Variants in CEP135 observed in about 807,000 individuals in gnomAD.
CEP135 encodes centrosomal protein 135.
A neutral mutation model predicts 157.3 loss-of-function variants in CEP135; 142 were observed. That is an observed-to-expected ratio of 0.90 (90% CI 0.79 to 1.04). The LOEUF (loss-of-function observed/expected upper bound fraction) is 1.04. CEP135 is among the 50% of genes least tolerant of loss of function. The pLI is 0.00. For synonymous variants in CEP135, 396 were observed against 439.8 expected (o/e 0.90, Z 1.25); for missense variants, 1,317 against 1,309.2 (o/e 1.01, Z -0.09).
In CEP135 at chr4:56,011,405, T is replaced by A. The variant is rs1730576769; in HGVS notation, c.2506-7T>A. Reference sequence around the variant, plus strand: ...TTTTAGATTGTCTTTAATTTTCTGATTTGTAGGAAATCTCATTGGAATTGG... The same window carrying A: ...TTTTAGATTGTCTTTAATTTTCTGAATTGTAGGAAATCTCATTGGAATTGG... On this transcript the variant is annotated splice_region_variant and splice_polypyrimidine_tract_variant and intron_variant, in intron 19 of 25. Transcript: ENST00000257287. The A allele has an allele frequency of 6.4e-7, 1 of 1,574,564 alleles. No individual in the cohort carries two copies. The highest frequency in any genetic ancestry group is 8.7e-7 in the Non-Finnish European group (1 of 1,155,732).
chr4:55,950,498 C>A (rs909847591), intron 1 of CEP135, among the ~76,000 whole-genome samples: 3 of 152,014 alleles, frequency 2.0e-5, no homozygotes, highest in African/African-American at 7.3e-5. Context: ...AAGAAATGAT[C>A]TTTGGGCTGA....
intron 25 of CEP135, among the ~76,000 whole-genome samples, chr4:56,026,103 G>C (rs924669463): frequency 1.3e-4 from 20 of 152,196 alleles, no homozygotes; most frequent in African/African-American, 4.6e-4. Context: ...TAGCTACTTG[G>C]GATGCGGAGG....
rs983439679 is a variant in CEP135 at position 56,017,590 on chromosome 4, A to G, written c.2803-58A>G. 7 of 1,415,122 alleles carry G rather than the reference A, an allele frequency of 4.9e-6. No homozygotes were observed. In the South Asian group the frequency reaches 5.6e-5, roughly 11 times the overall value. The allele number at this position is 1,415,122 out of a possible 1,614,324, so 87.7% of individuals were successfully genotyped here. On this transcript the variant is annotated intron_variant, in intron 21 of 25. Coordinates refer to ENST00000257287, the MANE Select transcript of CEP135 (RefSeq NM_025009.5). ...TGAGATTGTTGGCTGTACAAATTCA[A>G]GTTCTTAAAATTATTGGGTTATTTT...
chr4:56,011,500 G>C lies in CEP135; in HGVS notation c.2594G>C (p.Trp865Ser). Residue 865 changes from tryptophan (W) to serine (S), a missense_variant, in exon 20 of 26, where the codon TGG (tryptophan) becomes TCG (serine). Transcript: ENST00000257287. ...VHKYITEVSR[W>S]ESLMAAKEKE... ...AAATACATAACAGAGGTGTCACGAT[G>C]GGAGAGCTTAATGGCTGCCAAGGTG... 6.2e-7 allele frequency: 1 copy of C among 1,608,930 alleles called. No homozygotes were observed. Among genetic ancestry groups the C allele is most frequent in the Non-Finnish European group, 8.5e-7 (1 of 1,178,342 alleles).
At chr4:55,982,286 C>T (rs920592427) in intron 13 of CEP135, among the ~76,000 whole-genome samples, 2 of 152,140 alleles carry the variant, frequency 1.3e-5, no homozygotes, top group African/African-American at 4.8e-5. Flanking sequence ...AACTTGTATA[C>T]AACTTTTTGT....
At chr4:56,010,868 C>G (rs1730558390) in intron 19 of CEP135, among the ~76,000 whole-genome samples, 1 of 152,156 alleles carries the variant, frequency 6.6e-6, no homozygotes, top group South Asian at 2.1e-4. Context: ...CTGACCATAG[C>G]TAGCCTTTAG....
At chr4:55,960,501 CAT>C (rs1225826172) in intron 6 of CEP135, 4 of 152,102 alleles carry the variant, frequency 2.6e-5, no homozygotes, top group Admixed American at 2.0e-4. Context: ...AATTGGGTAA[CAT>C]GTTTTTCATT....
intron 1 of CEP135, among the ~76,000 whole-genome samples, chr4:55,949,887 C>T (rs2109635161): frequency 6.6e-6 from 1 of 152,278 alleles, no homozygotes; most frequent in African/African-American, 2.4e-5. Context: ...TTTATTGATT[C>T]ATATTCATTC....
rs902944999 is a variant in CEP135, at chr4:56,031,874, T to G, written c.*526T>G. 1 of 152,186 alleles carries G rather than the reference T, an allele frequency of 6.6e-6. No individual in the cohort carries two copies. The highest frequency in any genetic ancestry group is 2.4e-5 in the African/African-American group (1 of 41,448). 9.4% of individuals were successfully genotyped at this position (152,186 alleles called of 1,614,324 possible). On this transcript the variant is annotated 3_prime_UTR_variant, in exon 26 of 26. Transcript: ENST00000257287. ...ACTGTCTGTTGTCAAGGGGAATATA[T>G]TCAGGTCTAGTCTTCTTATAATAGC...
At chr4:56,014,512 G>A (rs1730703992) in intron 21 of CEP135, among the ~76,000 whole-genome samples, 1 of 152,228 alleles carries the variant, frequency 6.6e-6, no homozygotes, top group Non-Finnish European at 1.5e-5. Context: ...CTCAGACAGA[G>A]TTGAGAAAAG....
intron 3 of CEP135, among the ~76,000 whole-genome samples, chr4:55,953,914 TTATC>T (rs1206630112): frequency 6.6e-6 from 1 of 152,210 alleles, no homozygotes; most frequent in Admixed American, 6.5e-5. Context: ...GTAGAAAACT[TTATC>T]TAATCCATGG....
chr4:55,978,867 G>C (rs781427815), intron 11 of CEP135, among the ~76,000 whole-genome samples: 3 of 152,144 alleles, frequency 2.0e-5, no homozygotes, highest in Non-Finnish European at 2.9e-5. Flanking sequence ...TTTAAATTTA[G>C]ATATGGTTAG....
At chr4:55,953,661 T>C (rs1047902095) in intron 3 of CEP135, among the ~76,000 whole-genome samples, 4 of 152,190 alleles carry the variant, frequency 2.6e-5, no homozygotes, top group African/African-American at 4.8e-5. Context: ...AAAAATTTAA[T>C]TAAAATTTTA....
rs1731415397 is a variant in CEP135, at chr4:56,032,976, T to G, written c.*1628T>G. On this transcript the variant is annotated 3_prime_UTR_variant, in exon 26 of 26. Transcript: ENST00000257287. ...TAGGATGTGGGCTGGTTTGCTTTTCTACCACCTTTGTAATTTTATGTATCC... is the reference window on the plus strand; with the variant it reads ...TAGGATGTGGGCTGGTTTGCTTTTCGACCACCTTTGTAATTTTATGTATCC... 6.6e-6 allele frequency: 1 copy of G among 152,092 alleles called. No individual in the cohort carries two copies. The highest frequency in any genetic ancestry group is 2.4e-5 in the African/African-American group (1 of 41,414). 9.4% of individuals were successfully genotyped at this position (152,092 alleles called of 1,614,324 possible).
In CEP135 at chr4:56,010,360, CAA is replaced by C. The variant is rs34182911; in HGVS notation, c.2505+474_2505+475del. 2.7e-3 allele frequency among the ~76,000 whole-genome samples: 304 copies of C among 110,830 alleles called. 1 individual carries two copies. Among genetic ancestry groups the C allele is most frequent in the African/African-American group, 5.2e-3 (152 of 29,284 alleles). The allele number at this position is 110,830 out of a possible 152,430, so 72.7% of individuals were successfully genotyped here. A position where few individuals can be genotyped will look rare whatever the true frequency, so the allele number is the denominator to read the frequency against. ...CTGGGCAACAGAGTGAGACTCCATC[CAA>C]AAAAAAAAAAAAAAAATGGGCAACA... On this transcript the variant is annotated intron_variant, in intron 19 of 25. Transcript: ENST00000257287.
chr4:55,953,357 A>G, intron 3 of CEP135, 82 bp downstream of exon 3: 1 of 1,064,320 alleles, frequency 9.4e-7, no homozygotes, highest in Admixed American at 2.8e-5. Context: ...TCTAATTTTA[A>G]AACTATTGAT....
chr4:56,026,186 G>A (rs1024182442), intron 25 of CEP135, among the ~76,000 whole-genome samples: 4 of 152,138 alleles, frequency 2.6e-5, no homozygotes, highest in African/African-American at 9.7e-5. Context: ...TCCAGCTTGG[G>A]TGACAGAGTG....
intron 15 of CEP135, among the ~76,000 whole-genome samples, chr4:55,992,919 G>A (rs928799409): frequency 6.6e-6 from 1 of 152,056 alleles, no homozygotes; most frequent in African/African-American, 2.4e-5. Context: ...AATGAAGGTC[G>A]GAATAAGGGG....
intron 14 of CEP135, among the ~76,000 whole-genome samples, chr4:55,985,706 C>G (rs1177830556): frequency 6.6e-6 from 1 of 152,126 alleles, no homozygotes; most frequent in Non-Finnish European, 1.5e-5. Flanking sequence ...CGTGATCTGC[C>G]CACCTCGGCC....
Sources: gnomAD v4.1 joint callset for allele counts (sites outside exome capture counted in the v4.1 genomes callset) on GRCh38, gnomAD v4.1.1 for gene constraint, MANE v1.5 for transcripts, NCBI Gene and HGNC (gene_info 2026-07-23, HGNC 2026-07-21) for gene names.